Variants in WASHC3 observed in about 807,000 individuals in gnomAD.
The protein encoded by WASHC3 is WASH complex subunit 3.
In WASHC3, 24 loss-of-function variants were observed where a neutral mutation model predicts 26.1. That is an observed-to-expected ratio of 0.92 (90% confidence interval 0.66 to 1.29). The LOEUF is 1.29. Among genes scored for constraint, WASHC3 ranks in the 50% most tolerant of loss-of-function variants. The probability of loss-of-function intolerance (pLI) is 0.00; values close to 1 mark genes in which losing one functional copy is unlikely to be tolerated. For synonymous variants in WASHC3, 77 were observed against 75.7 expected, an observed-to-expected ratio of 1.02 and a Z score of -0.09; for missense variants, 214 against 229.6, an observed-to-expected ratio of 0.93 and a Z score of 0.44.
chr12:102,028,989 T>C (rs1877319734), intron 5 of WASHC3, among the ~76,000 whole-genome samples: 1 of 152,108 alleles, frequency 6.6e-6, no homozygotes, highest in Non-Finnish European at 1.5e-5. Flanking sequence ...GAAAAATATA[T>C]ACAATTGCTA....
rs1878147573 is a variant in WASHC3 at position 102,046,058 on chromosome 12, G to GC, written c.211dup (p.Ala71GlyfsTer11). 2.5e-6 allele frequency: 4 copies of GC among 1,573,968 alleles called. No individual in the cohort carries two copies. The highest frequency in any genetic ancestry group is 2.7e-5 in the African/African-American group (2 of 74,158). ...AAATTATTGAGAAATACCAACCTTT[G>GC]CATCTAAAATATTGAGAGTTGTTTC... On this transcript the variant is annotated frameshift_variant, in exon 3 of 7. Transcript: ENST00000240079. LOFTEE classifies it high-confidence loss of function.
At chr12:102,015,343 T>C (rs1429636406) in intron 6 of WASHC3, among the ~76,000 whole-genome samples, 2 of 152,180 alleles carry the variant, frequency 1.3e-5, no homozygotes, top group Admixed American at 6.5e-5. Context: ...AAACTGAAAC[T>C]ATAAAATTCA....
At chr12:102,053,548 C>T (rs189823390) in intron 2 of WASHC3, among the ~76,000 whole-genome samples, 14 of 152,196 alleles carry the variant, frequency 9.2e-5, no homozygotes, top group Non-Finnish European at 1.9e-4. Context: ...CCACAAAGAC[C>T]AAGAATAATC....
At chr12:102,034,884 G>C (rs1565815332) in intron 5 of WASHC3, among the ~76,000 whole-genome samples, 1 of 151,216 alleles carries the variant, frequency 6.6e-6, no homozygotes, top group South Asian at 2.1e-4. Context: ...ACACTTAATG[G>C]GAAGAAACTT....
intron 2 of WASHC3, chr12:102,059,544 G>A (rs1000467866): frequency 1.3e-5 from 2 of 152,094 alleles, no homozygotes; most frequent in Non-Finnish European, 2.9e-5. Flanking sequence ...TAAATGAGAT[G>A]ACTATTGTTT....
At chr12:102,017,670 G>C in intron 6 of WASHC3, 1 of 343,002 alleles carries the variant, frequency 2.9e-6, no homozygotes, top group Non-Finnish European at 5.6e-6. Flanking sequence ...TTAACCTTCC[G>C]AGGAACTGCC....
At position 102,053,812 on chromosome 12, in the gene WASHC3, A is replaced by C. The variant is rs567872409; in HGVS notation, c.150+7436T>G. Among the ~76,000 whole-genome samples, 28 of 152,360 alleles carry C rather than the reference A, an allele frequency of 1.8e-4. No homozygotes were observed. In the South Asian group the frequency reaches 2.7e-3, roughly 15 times the overall value. ...ATACAGTCAAATTCAGAATATTCTA[A>C]TACTGTCATGGTGATTAAATCACTT... On this transcript the variant is annotated intron_variant, in intron 2 of 6. Coordinates refer to ENST00000240079, the MANE Select transcript of WASHC3 (RefSeq NM_016053.4).
intron 2 of WASHC3, among the ~76,000 whole-genome samples, chr12:102,049,769 G>T (rs1183804271): frequency 6.6e-6 from 1 of 152,082 alleles, no homozygotes; most frequent in Non-Finnish European, 1.5e-5. Flanking sequence ...AGCAATGAAT[G>T]GTTTTATTAG....
At chr12:102,021,004 C>A (rs1876934455) in intron 6 of WASHC3, among the ~76,000 whole-genome samples, 2 of 152,146 alleles carry the variant, frequency 1.3e-5, no homozygotes, top group Non-Finnish European at 1.5e-5. Context: ...ATCGCTTGAA[C>A]CCGGGAGGCA....
intron 6 of WASHC3, among the ~76,000 whole-genome samples, chr12:102,020,619 A>G (rs1469186811): frequency 6.6e-6 from 1 of 152,250 alleles, no homozygotes; most frequent in Non-Finnish European, 1.5e-5. Flanking sequence ...CACTGAATTT[A>G]AAGCAGATTA....
chr12:102,041,658 A>C (rs1877944216), intron 4 of WASHC3, among the ~76,000 whole-genome samples: 2 of 152,110 alleles, frequency 1.3e-5, no homozygotes, highest in South Asian at 4.1e-4. Flanking sequence ...AGCAATACTT[A>C]AGCCCACTTC....
intron 2 of WASHC3, among the ~76,000 whole-genome samples, chr12:102,052,392 G>A (rs760892842): frequency 2.0e-5 from 3 of 151,600 alleles, no homozygotes; most frequent in South Asian, 2.1e-4. Flanking sequence ...ACCTGCAGGC[G>A]AAGCCTTTAG....
chr12:102,044,725 TTTTTC>T (rs1188871626), intron 3 of WASHC3, among the ~76,000 whole-genome samples: 2 of 152,210 alleles, frequency 1.3e-5, no homozygotes, highest in Non-Finnish European at 2.9e-5. Context: ...AGCTCATTCT[TTTTTC>T]TTTCTTTGAA....
chr12:102,048,435 T>G (rs1022689830), intron 2 of WASHC3: 1 of 152,130 alleles, frequency 6.6e-6, no homozygotes, highest in South Asian at 2.1e-4. Flanking sequence ...TGTGGTGGTG[T>G]GCGTCTGCAG....
At chr12:102,030,789 T>C (rs943747030) in intron 5 of WASHC3, among the ~76,000 whole-genome samples, 4 of 152,220 alleles carry the variant, frequency 2.6e-5, no homozygotes, top group African/African-American at 4.8e-5. Flanking sequence ...GGTACTGACA[T>C]GACAACCATA....
At chr12:102,036,298 G>A (rs1233875844) in intron 5 of WASHC3, among the ~76,000 whole-genome samples, 2 of 148,854 alleles carry the variant, frequency 1.3e-5, no homozygotes, top group Admixed American at 1.4e-4. Context: ...GGAGGCAGAG[G>A]TTGCAGTGAG....
chr12:102,018,780 TTTA>T (rs1876822088), intron 6 of WASHC3, among the ~76,000 whole-genome samples: 1 of 151,964 alleles, frequency 6.6e-6, no homozygotes, highest in South Asian at 2.1e-4. Flanking sequence ...CCTCATTCAT[TTTA>T]TTATTTATTT....
rs189675618 is a variant in WASHC3 at position 102,046,581 on chromosome 12, C to T, written c.151-462G>A. Among the ~76,000 whole-genome samples the T allele has an allele frequency of 2.0e-3, 297 of 152,282 alleles. 4 individuals are homozygous for T. The highest frequency in any genetic ancestry group is 6.7e-3 in the African/African-American group (277 of 41,566). On this transcript the variant is annotated intron_variant, in intron 2 of 6. Transcript: ENST00000240079. ...TGCTGTGATTACAGGCGTGAGCCACCGCACCCAGTCGCTTCTCAGTTATTT... is the reference window on the plus strand; with the variant it reads ...TGCTGTGATTACAGGCGTGAGCCACTGCACCCAGTCGCTTCTCAGTTATTT...
intron 4 of WASHC3, among the ~76,000 whole-genome samples, chr12:102,040,759 C>G (rs771461310): frequency 2.0e-5 from 3 of 151,934 alleles, no homozygotes; most frequent in Non-Finnish European, 4.4e-5. Context: ...AAATGCAAAA[C>G]TAGATAGAAC....
Sources: gnomAD v4.1 joint callset for allele counts (sites outside exome capture counted in the v4.1 genomes callset) on GRCh38, gnomAD v4.1.1 for gene constraint, MANE v1.5 for transcripts, NCBI Gene and HGNC (gene_info 2026-07-23, HGNC 2026-07-21) for gene names.